Variants in PLAGL1 observed in about 807,000 individuals in gnomAD.
The protein encoded by PLAGL1 is PLAG1 like zinc finger 1.
PLAGL1 carries 1 observed loss-of-function variant against 4.6 expected under a neutral mutation model. That is an observed-to-expected ratio of 0.22 (90% CI 0.08 to 1.03). The LOEUF is 1.03. Ranked by LOEUF, PLAGL1 falls within the 50% of genes least tolerant of loss-of-function variation. The pLI is 0.58. For synonymous variants in PLAGL1, 240 were observed against 237.8 expected, an observed-to-expected ratio of 1.01 and a Z score of -0.08; for missense variants, 464 against 570.4, an observed-to-expected ratio of 0.81 and a Z score of 1.90.
rs946189868 is a variant in PLAGL1, at chr6:143,983,884, G to A, written c.-544+1251C>T. Among the ~76,000 whole-genome samples, 2 of 152,166 alleles carry A rather than the reference G, an allele frequency of 1.3e-5. No individual in the cohort carries two copies. Among genetic ancestry groups the A allele is most frequent in the Admixed American group, 1.3e-4 (2 of 15,276 alleles). On this transcript the variant is annotated intron_variant, in intron 2 of 7. Transcript: ENST00000674357. The surrounding 1 kb of genome is among the most constrained non-coding windows in gnomAD (Gnocchi z 6.6). ...ATGACTATGGGAGAAAGTTGCTAAT[G>A]TGGTTTGGAAGACAAGGTCATTGAA...
In PLAGL1 at chr6:144,000,151, C is replaced by T. The variant is rs145440000; in HGVS notation, c.-584+7939G>A. Among the ~76,000 whole-genome samples, 299 of 152,136 alleles carry T rather than the reference C, an allele frequency of 2.0e-3. 1 individual carries two copies. In the Middle Eastern group the frequency reaches 0.027, roughly 14 times the overall value. Reference sequence around the variant, plus strand: ...TAGAAGAAGAGAACTTTAAATATCCCGCAACAACATCACACTAAGCTTCAG... The same window carrying T: ...TAGAAGAAGAGAACTTTAAATATCCTGCAACAACATCACACTAAGCTTCAG... On this transcript the variant is annotated intron_variant, in intron 1 of 7. Transcript: ENST00000674357. The surrounding 1 kb of genome is among the most constrained non-coding windows in gnomAD (Gnocchi z 4.1).
At chr6:144,020,836 TAATATATATAA>T (rs1795922321) in intron 1 of PLAGL1, among the ~76,000 whole-genome samples, 1 of 145,860 alleles carries the variant, frequency 6.9e-6, no homozygotes, top group South Asian at 2.1e-4. Flanking sequence ...ATATATAATA[TAATATATATAA>T]AATATAATTA....
At chr6:143,999,122 A>C (rs1233298512) in intron 1 of PLAGL1, among the ~76,000 whole-genome samples, 1 of 152,194 alleles carries the variant, frequency 6.6e-6, no homozygotes, top group Non-Finnish European at 1.5e-5. Flanking sequence ...GGGGAGTGAA[A>C]GAAGCAGGAA....
In PLAGL1 at chr6:144,000,303, T is replaced by C. The variant is rs1455889909; in HGVS notation, c.-584+7787A>G. ...GACATAAACAAAAGAATAAGAGATT[T>C]GAAGATCAGAAGGAAAAGAAAAAAA... is the stretch of plus-strand genomic sequence containing the variant. On this transcript the variant is annotated intron_variant, in intron 1 of 7. Transcript: ENST00000674357. This position sits in a 1 kb window ranked among gnomAD's most constrained non-coding sequence, Gnocchi z 4.1. Among the ~76,000 whole-genome samples, 1 of 151,950 alleles carries C rather than the reference T, an allele frequency of 6.6e-6. No homozygotes were observed. Among genetic ancestry groups the C allele is most frequent in the Non-Finnish European group, 1.5e-5 (1 of 67,980 alleles).
In PLAGL1 at chr6:143,989,007, T is replaced by C. The variant is rs375215984; in HGVS notation, c.-583-3833A>G. ...GGTCACGTATGTTTGAAATAACTCA[T>C]GGTCTGCAAAATCTCACACCAAAAA... On this transcript the variant is annotated intron_variant, in intron 1 of 7. Coordinates refer to ENST00000674357, the MANE Select transcript of PLAGL1 (RefSeq NM_001317162.2). This position sits in a 1 kb window ranked among gnomAD's most constrained non-coding sequence, Gnocchi z 4.8. Among the ~76,000 whole-genome samples, 2 of 152,200 alleles carry C rather than the reference T, an allele frequency of 1.3e-5. No individual in the cohort carries two copies. Among genetic ancestry groups the C allele is most frequent in the African/African-American group, 4.8e-5 (2 of 41,452 alleles).
Position 143,984,132 on chromosome 6 carries a change from T to C in PLAGL1, c.-544+1003A>G, listed in dbSNP as rs940241995. Among the ~76,000 whole-genome samples the C allele has an allele frequency of 6.6e-6, 1 of 152,210 alleles. No homozygotes were observed. Among genetic ancestry groups the C allele is most frequent in the Admixed American group, 6.5e-5 (1 of 15,272 alleles). On this transcript the variant is annotated intron_variant, in intron 2 of 7. Transcript: ENST00000674357. This position sits in a 1 kb window ranked among gnomAD's most constrained non-coding sequence, Gnocchi z 5.5. The stretch of plus-strand genomic sequence containing the variant: ...TAGGCCTAACTCCAAGTCAGCTGTT[T>C]TAAGCTAATCCAACTGTCCTTTTAT...
In PLAGL1 at chr6:143,970,639, G is replaced by A. The variant is rs746236684; in HGVS notation, c.-543-1661C>T. Among the ~76,000 whole-genome samples the A allele has an allele frequency of 1.3e-5, 2 of 152,076 alleles. No homozygotes were observed. Among genetic ancestry groups the A allele is most frequent in the African/African-American group, 4.8e-5 (2 of 41,408 alleles). ...AAACTGTCTAAGAGGGAAATATCTG[G>A]TATTTTTCTACTAGGAAGTTAGCTT... On this transcript the variant is annotated intron_variant, in intron 2 of 7. Transcript: ENST00000674357. This position sits in a 1 kb window ranked among gnomAD's most constrained non-coding sequence, Gnocchi z 5.8.
In PLAGL1 at chr6:143,973,551, C is replaced by T. The variant is rs191845114; in HGVS notation, c.-543-4573G>A. 9.3e-4 allele frequency among the ~76,000 whole-genome samples: 141 copies of T among 152,264 alleles called. No homozygotes were observed. The highest frequency in any genetic ancestry group is 1.3e-3 in the Non-Finnish European group (87 of 68,016). The stretch of plus-strand genomic sequence containing the variant: ...CTGACATTCCATAAATAAACTTCTC[C>T]CTCTCACTCTCCCTTTCTTCCTCCA... On this transcript the variant is annotated intron_variant, in intron 2 of 7. Transcript: ENST00000674357. The surrounding 1 kb of genome is among the most constrained non-coding windows in gnomAD (Gnocchi z 6.2).
Position 143,995,917 on chromosome 6 carries a change from A to C in PLAGL1, c.-583-10743T>G, listed in dbSNP as rs1242544052. Among the ~76,000 whole-genome samples the C allele has an allele frequency of 6.6e-6, 1 of 152,220 alleles. No homozygotes were observed. Among genetic ancestry groups the C allele is most frequent in the African/African-American group, 2.4e-5 (1 of 41,458 alleles). ...TGGTGGCCAGCCATAAAGTTAAAGC[A>C]AAGAGAAGAACTGAAATCTAGACCT... is the stretch of plus-strand genomic sequence containing the variant. On this transcript the variant is annotated intron_variant, in intron 1 of 7. Coordinates refer to ENST00000674357, the MANE Select transcript of PLAGL1 (RefSeq NM_001317162.2). This position sits in a 1 kb window ranked among gnomAD's most constrained non-coding sequence, Gnocchi z 4.4.
At position 144,055,658 on chromosome 6, in the gene PLAGL1, G is replaced by A. The variant is rs910258450; in HGVS notation, c.-151+8810C>T. Among the ~76,000 whole-genome samples, 2 of 152,062 alleles carry A rather than the reference G, an allele frequency of 1.3e-5. No homozygotes were observed. Among genetic ancestry groups the A allele is most frequent in the Non-Finnish European group, 2.9e-5 (2 of 68,024 alleles). On this transcript the variant is annotated intron_variant, in intron 1 of 3. Transcript: ENST00000437412. This position sits in a 1 kb window ranked among gnomAD's most constrained non-coding sequence, Gnocchi z 5.0. ...TCACTTTCATCCTTAGCAAAGTTTT[G>A]GGTCTTAGTGAAGGGAAACATGTAT...
chr6:143,983,277 G>A lies in PLAGL1; in HGVS notation c.-544+1858C>T, dbSNP rs568830717. Among the ~76,000 whole-genome samples the A allele has an allele frequency of 6.6e-5, 10 of 152,284 alleles. No individual in the cohort carries two copies. The highest frequency in any genetic ancestry group is 2.2e-4 in the African/African-American group (9 of 41,562). On this transcript the variant is annotated intron_variant, in intron 2 of 7. Transcript: ENST00000674357. The surrounding 1 kb of genome is among the most constrained non-coding windows in gnomAD (Gnocchi z 6.6). ...TGGTTGAGTTTGCAATATGAAGGTC[G>A]CTGGTGACACTTGAGAACTTTGGTG... is the stretch of plus-strand genomic sequence containing the variant.
At position 143,968,007 on chromosome 6, in the gene PLAGL1, A is replaced by AAAC. The variant is rs1296820115; in HGVS notation, c.-472+899_-472+900insGTT. On this transcript the variant is annotated intron_variant, in intron 3 of 7. Transcript: ENST00000674357. The surrounding 1 kb of genome is among the most constrained non-coding windows in gnomAD (Gnocchi z 6.3). ...ATCAAGGACATTTTGCAAAAAAAAAAAAAAAAAAAAACAGTCTGGAGAGAG... is the reference window on the plus strand; with the variant it reads ...ATCAAGGACATTTTGCAAAAAAAAAAAACAAAAAAAAAAACAGTCTGGAGAGAG... 2 of 151,384 alleles carry AAAC rather than the reference A, an allele frequency of 1.3e-5. No individual in the cohort carries two copies. Among genetic ancestry groups the AAAC allele is most frequent in the Admixed American group, 6.6e-5 (1 of 15,232 alleles). The allele number at this position is 151,384 out of a possible 1,614,324, so 9.4% of individuals were successfully genotyped here.
chr6:143,944,618 G>A (rs540675053), intron 7 of PLAGL1, among the ~76,000 whole-genome samples: 7 of 152,132 alleles, frequency 4.6e-5, no homozygotes, highest in East Asian at 3.9e-4. Context: ...GTGTTTCCAC[G>A]TTCTAGGTCT....
intron 1 of PLAGL1, among the ~76,000 whole-genome samples, chr6:143,993,604 T>C (rs183166136): frequency 4.9e-4 from 75 of 152,250 alleles, no homozygotes; most frequent in African/African-American, 1.8e-3. Context: ...AAAAACTAAA[T>C]TGTCTCAGGA....
chr6:144,003,572 C>T (rs992382535), intron 1 of PLAGL1, among the ~76,000 whole-genome samples: 8 of 145,328 alleles, frequency 5.5e-5, no homozygotes, highest in African/African-American at 1.0e-4. Context: ...TGCAGTGAGC[C>T]GAGGTCGTGC....
intron 2 of PLAGL1, among the ~76,000 whole-genome samples, chr6:143,976,104 G>A (rs1786462935): frequency 6.6e-6 from 1 of 151,770 alleles, no homozygotes. Flanking sequence ...CCTATTACTG[G>A]GCGGTGGCAT....
intron 7 of PLAGL1, among the ~76,000 whole-genome samples, chr6:143,943,744 A>G (rs1225610193): frequency 6.6e-6 from 1 of 152,218 alleles, no homozygotes; most frequent in African/African-American, 2.4e-5. Flanking sequence ...TTTGTCTTCA[A>G]CAATGGCTTC....
chr6:143,951,453 G>A (rs185154408), intron 6 of PLAGL1, among the ~76,000 whole-genome samples: 2 of 152,326 alleles, frequency 1.3e-5, no homozygotes, highest in African/African-American at 2.4e-5. Context: ...CAAGTAAAAC[G>A]CCTGCATTCT....
intron 1 of PLAGL1, among the ~76,000 whole-genome samples, chr6:143,992,926 C>T (rs1012781265): frequency 2.6e-5 from 4 of 151,654 alleles, no homozygotes; most frequent in Non-Finnish European, 4.4e-5. Context: ...TGCAGTGAGC[C>T]GAGATCCTGC....
Sources: gnomAD v4.1 joint callset for allele counts (sites outside exome capture counted in the v4.1 genomes callset) on GRCh38, gnomAD v4.1.1 for gene constraint, Gnocchi (gnomAD v3.1) non-coding constraint, MANE v1.5 for transcripts, NCBI Gene and HGNC (gene_info 2026-07-23, HGNC 2026-07-21) for gene names.